Variants in ROBO1 observed in about 807,000 individuals in gnomAD.
ROBO1 encodes the protein roundabout guidance receptor 1, also known as roundabout homolog 1.
A neutral mutation model predicts 195.9 loss-of-function variants in ROBO1; 149 were observed. The ratio of observed to expected loss-of-function variants is 0.76; its 90% CI spans 0.67 to 0.87. ROBO1 has a LOEUF of 0.87. ROBO1 is among the 40% of genes least tolerant of loss of function. ROBO1 has a pLI of 0.00. For missense variants in ROBO1, 1,933 were observed against 2,068.3 expected, an observed-to-expected ratio of 0.93 and a Z score of 1.27; for synonymous variants, 816 against 733.2, an observed-to-expected ratio of 1.11 and a Z score of -1.82.
At chr3:79,237,966 C>T (rs748447795) in intron 2 of ROBO1, among the ~76,000 whole-genome samples, 2 of 152,080 alleles carry the variant, frequency 1.3e-5, no homozygotes, top group African/African-American at 2.4e-5. Context: ...GAAAGCAGTG[C>T]GGTCTTCTGT....
At chr3:79,471,500 C>T (rs1460993680) in intron 2 of ROBO1, among the ~76,000 whole-genome samples, 1 of 151,954 alleles carries the variant, frequency 6.6e-6, no homozygotes, top group African/African-American at 2.4e-5. Flanking sequence ...TCTCACTATA[C>T]TATGTTAAAG....
intron 5 of ROBO1, among the ~76,000 whole-genome samples, chr3:78,718,349 A>C (rs1201725264): frequency 6.6e-6 from 1 of 152,174 alleles, no homozygotes; most frequent in African/African-American, 2.4e-5. Flanking sequence ...AAATGTCTCT[A>C]ATAACTTAAT....
chr3:79,702,754 T>C (rs1303928907), intron 1 of ROBO1, among the ~76,000 whole-genome samples: 1 of 151,978 alleles, frequency 6.6e-6, no homozygotes, highest in Non-Finnish European at 1.5e-5. Flanking sequence ...ACACTTAATA[T>C]TTGTGCTGTA....
chr3:78,728,777 C>G (rs1423026691), intron 5 of ROBO1, among the ~76,000 whole-genome samples: 6 of 152,164 alleles, frequency 3.9e-5, no homozygotes, highest in African/African-American at 1.4e-4. Context: ...TCAGGTCTTT[C>G]AACTACTCTC....
chr3:79,445,360 C>G (rs1034784391), intron 2 of ROBO1, among the ~76,000 whole-genome samples: 2 of 151,450 alleles, frequency 1.3e-5, no homozygotes, highest in Non-Finnish European at 2.9e-5. Flanking sequence ...AAAACTACAA[C>G]AATTGATCAC....
intron 3 of ROBO1, among the ~76,000 whole-genome samples, chr3:79,003,742 C>T (rs1348961223): frequency 1.3e-5 from 2 of 152,114 alleles, no homozygotes; most frequent in African/African-American, 4.8e-5. Flanking sequence ...GGTATTTTAA[C>T]CCGGAAGCCT....
chr3:78,868,572 A>G (rs977682187), intron 4 of ROBO1, among the ~76,000 whole-genome samples: 2 of 152,214 alleles, frequency 1.3e-5, no homozygotes, highest in South Asian at 2.1e-4. Flanking sequence ...ACTTTAATCC[A>G]TAACTTAAGG....
chr3:79,601,570 G>C (rs866735594), intron 1 of ROBO1, among the ~76,000 whole-genome samples: 1 of 151,866 alleles, frequency 6.6e-6, no homozygotes, highest in African/African-American at 2.4e-5. Context: ...GAAAACAGTA[G>C]TACGAACACA....
At chr3:79,021,751 C>T (rs536065722) in intron 3 of ROBO1, among the ~76,000 whole-genome samples, 35 of 151,204 alleles carry the variant, frequency 2.3e-4, no homozygotes, top group Middle Eastern at 3.4e-3. Flanking sequence ...AGCTCCGCCT[C>T]CCGGGTTCAC....
chr3:79,189,217 C>T (rs1421074433), intron 2 of ROBO1, among the ~76,000 whole-genome samples: 1 of 151,738 alleles, frequency 6.6e-6, no homozygotes, highest in African/African-American at 2.4e-5. Flanking sequence ...ATCAGGAATA[C>T]AGTTGCACAG....
chr3:78,800,883 A>C (rs980507171), intron 4 of ROBO1, among the ~76,000 whole-genome samples: 2 of 152,152 alleles, frequency 1.3e-5, no homozygotes, highest in African/African-American at 4.8e-5. Context: ...TTTTTAAAAA[A>C]TGATTTCAAT....
chr3:78,737,965 GA>G (rs1342568975), intron 5 of ROBO1, among the ~76,000 whole-genome samples: 1 of 152,166 alleles, frequency 6.6e-6, no homozygotes, highest in Non-Finnish European at 1.5e-5. Flanking sequence ...ACTTCTTAGG[GA>G]AAAGGGGCTT....
At chr3:78,823,809 T>TA (rs1387682517) in intron 4 of ROBO1, among the ~76,000 whole-genome samples, 1 of 152,216 alleles carries the variant, frequency 6.6e-6, no homozygotes, top group African/African-American at 2.4e-5. Flanking sequence ...TTACCAAATT[T>TA]AAAATAGGTC....
chr3:79,182,542 G>GGTGTGT (rs71127377), intron 2 of ROBO1, among the ~76,000 whole-genome samples: 10,315 of 148,468 alleles, frequency 0.069, 420 homozygotes, highest in Middle Eastern at 0.12. Context: ...CTGGGGCACA[G>GGTGTGT]GTGTGTGTGT....
intron 3 of ROBO1, among the ~76,000 whole-genome samples, chr3:79,042,407 C>T (rs915145065): frequency 1.3e-4 from 20 of 152,172 alleles, no homozygotes; most frequent in African/African-American, 4.3e-4. Flanking sequence ...GTAAATATTC[C>T]GATGGCGGTC....
intron 9 of ROBO1, among the ~76,000 whole-genome samples, chr3:78,686,330 G>A (rs1370809049): frequency 6.6e-6 from 1 of 152,066 alleles, no homozygotes; most frequent in African/African-American, 2.4e-5. Context: ...GCCGAGGCAG[G>A]CGGATCACGA....
chr3:79,423,770 G>A (rs575229715), intron 2 of ROBO1, among the ~76,000 whole-genome samples: 32 of 152,160 alleles, frequency 2.1e-4, no homozygotes, highest in East Asian at 5.8e-4. Flanking sequence ...TAGTTTTTGC[G>A]GAAATCCACT....
chr3:79,212,144 AGGTGTTCCTTGCTCTCATTCC>A (rs1165100916), intron 2 of ROBO1, among the ~76,000 whole-genome samples: 1 of 152,156 alleles, frequency 6.6e-6, no homozygotes, highest in Non-Finnish European at 1.5e-5. Flanking sequence ...TGGGTGGGCC[AGGTGTTCCTTGCTCTCATTCC>A]GGTAAACCCA....
At chr3:79,244,276 T>C (rs1374992368) in intron 2 of ROBO1, among the ~76,000 whole-genome samples, 1 of 152,106 alleles carries the variant, frequency 6.6e-6, no homozygotes, top group Non-Finnish European at 1.5e-5. Context: ...TCCTCAATGG[T>C]CAGAGCCATA....
Sources: gnomAD v4.1 joint callset for allele counts (sites outside exome capture counted in the v4.1 genomes callset) on GRCh38, gnomAD v4.1.1 for gene constraint, MANE v1.5 for transcripts, NCBI Gene and HGNC (gene_info 2026-07-23, HGNC 2026-07-21) for gene names.